Variants in PITX3 observed in about 807,000 individuals in gnomAD.
PITX3 encodes pituitary homeobox 3.
PITX3 carries 4 observed loss-of-function variants against 14.2 expected under a neutral mutation model. That is an observed-to-expected ratio of 0.28 (90% CI 0.14 to 0.65). PITX3 has a LOEUF of 0.65. PITX3 is among the 30% of genes least tolerant of loss of function. The pLI, the probability that PITX3 is intolerant of heterozygous loss-of-function variation, is 0.82. For missense variants in PITX3, 358 were observed against 426.8 expected (o/e 0.84, Z 1.42); for synonymous variants, 194 against 204.5 (o/e 0.95, Z 0.44).
intron 1 of PITX3, among the ~76,000 whole-genome samples, chr10:102,232,874 C>T (rs967623495): frequency 1.3e-5 from 2 of 152,164 alleles, no homozygotes; most frequent in Admixed American, 1.3e-4. Flanking sequence ...GTATTTTGAA[C>T]CAGACCTGAT....
intron 1 of PITX3, among the ~76,000 whole-genome samples, chr10:102,237,655 G>T (rs1211765137): frequency 6.6e-6 from 1 of 152,126 alleles, no homozygotes; most frequent in Admixed American, 6.6e-5. Flanking sequence ...TGAAACAGCT[G>T]CCACTAGTAT....
intron 1 of PITX3, among the ~76,000 whole-genome samples, chr10:102,240,514 G>A (rs1293253466): frequency 6.6e-6 from 1 of 152,240 alleles, no homozygotes; most frequent in Non-Finnish European, 1.5e-5. Context: ...CGACCCCATC[G>A]CACACGCAGC....
At position 102,231,973 on chromosome 10, in the gene PITX3, C is replaced by G. The variant is rs747531363; in HGVS notation, c.108G>C (p.Gln36His). ...AGGGGGCGCGCTTACCGCTGTGCTC[C>G]TGGCCCTTGCAGCCGTGCTCTGGGA... ...PQLPEHGCKG[Q>H]EHSDSEKASA... The change falls in exon 2 of 4, where the codon CAG becomes CAC. Residue 36 changes from glutamine (Q) to histidine (H), a missense_variant. Around this residue, in one of 3 missense-constraint regions of PITX3, gnomAD observed 72 missense variants for 79.9 expected, o/e 0.90. Coordinates refer to ENST00000370002, the MANE Select transcript of PITX3 (RefSeq NM_005029.4). The G allele has an allele frequency of 6.2e-7, 1 of 1,609,896 alleles. No homozygotes were observed. Among genetic ancestry groups the G allele is most frequent in the South Asian group, 1.1e-5 (1 of 91,038 alleles).
chr10:102,232,753 A>G (rs897317629), intron 1 of PITX3, among the ~76,000 whole-genome samples: 3 of 152,142 alleles, frequency 2.0e-5, no homozygotes, highest in Admixed American at 2.0e-4. Flanking sequence ...AAAACTTAAA[A>G]TCCTTCTCAC....
At chr10:102,231,884 G>A in intron 2 of PITX3, 79 bp downstream of exon 2, 1 of 1,562,274 alleles carries the variant, frequency 6.4e-7, no homozygotes, top group Non-Finnish European at 8.7e-7. Flanking sequence ...GGCTCCCACC[G>A]GGGCTGCCCA....
At chr10:102,232,114 G>T in intron 1 of PITX3, 22 bp from the exon 2 acceptor site, 2 of 1,370,268 alleles carry the variant, frequency 1.5e-6, no homozygotes, top group Non-Finnish European at 2.0e-6. Flanking sequence ...AGAAGACACA[G>T]ACCAGGGTAA....
At chr10:102,231,881 A>C (rs2070251225) in intron 2 of PITX3, 82 bp downstream of exon 2, 1 of 1,564,984 alleles carries the variant, frequency 6.4e-7, no homozygotes, top group Non-Finnish European at 8.7e-7. Context: ...GCTGGCTCCC[A>C]CCGGGGCTGC....
Position 102,230,437 on chromosome 10 carries a change from C to T in PITX3, c.*77G>A. ...TTCAGACCCTGGGGCGGGAGCAAGC[C>T]AGTCAAAATGACCCCAGTCCGCGGA... On this transcript the variant is annotated 3_prime_UTR_variant, in exon 4 of 4. Coordinates refer to ENST00000370002, the MANE Select transcript of PITX3 (RefSeq NM_005029.4). 3 of 1,533,150 alleles carry T rather than the reference C, an allele frequency of 2.0e-6. No individual in the cohort carries two copies. The South Asian group carries it at 3.7e-5, about 19-fold the overall frequency. The allele number at this position is 1,533,150 out of a possible 1,614,324, so 95.0% of individuals were successfully genotyped here.
chr10:102,230,373 T>C lies in PITX3; in HGVS notation c.*141A>G. On this transcript the variant is annotated 3_prime_UTR_variant, in exon 4 of 4. Coordinates refer to ENST00000370002, the MANE Select transcript of PITX3 (RefSeq NM_005029.4). Reference sequence around the variant, plus strand: ...CCTCAGGGCTGGGAGGGGAAGGCCCTCTCCTGAGCCGGTGCCCCCCAGCTG... The same window carrying C: ...CCTCAGGGCTGGGAGGGGAAGGCCCCCTCCTGAGCCGGTGCCCCCCAGCTG... The C allele has an allele frequency of 7.7e-7, 1 of 1,305,426 alleles. No homozygotes were observed. Among genetic ancestry groups the C allele is most frequent in the Non-Finnish European group, 1.0e-6 (1 of 961,980 alleles). The allele number at this position is 1,305,426 out of a possible 1,614,324, so 80.9% of individuals were successfully genotyped here.
intron 1 of PITX3, among the ~76,000 whole-genome samples, chr10:102,232,895 T>G (rs1489957340): frequency 6.6e-6 from 1 of 152,188 alleles, no homozygotes; most frequent in Non-Finnish European, 1.5e-5. Context: ...ATTTCTCCCT[T>G]AAGAATAATG....
At chr10:102,231,458 G>C (rs1244009144) in intron 3 of PITX3, 130 bp downstream of exon 3, 2 of 656,132 alleles carry the variant, frequency 3.0e-6, no homozygotes, top group Admixed American at 5.5e-5. Flanking sequence ...GTGGGGCTGC[G>C]GCCGGGAGCC....
At chr10:102,233,683 G>A (rs1212832093) in intron 1 of PITX3, among the ~76,000 whole-genome samples, 1 of 152,192 alleles carries the variant, frequency 6.6e-6, no homozygotes, top group African/African-American at 2.4e-5. Flanking sequence ...ACCACTGGGT[G>A]CTTGGGCCGG....
intron 1 of PITX3, among the ~76,000 whole-genome samples, chr10:102,232,462 C>T (rs2070272524): frequency 6.6e-6 from 1 of 152,200 alleles, no homozygotes; most frequent in Non-Finnish European, 1.5e-5. Flanking sequence ...GCGGGTGGAT[C>T]ACCTGAGGTC....
chr10:102,233,653 G>A (rs907028558), intron 1 of PITX3, among the ~76,000 whole-genome samples: 1 of 152,096 alleles, frequency 6.6e-6, no homozygotes, highest in Non-Finnish European at 1.5e-5. Context: ...AAGGTAACAA[G>A]ATCAAACACA....
Position 102,230,432 on chromosome 10 carries a change from C to G in PITX3, c.*82G>C. On this transcript the variant is annotated 3_prime_UTR_variant, in exon 4 of 4. Transcript: ENST00000370002. ...CCCCTTTCAGACCCTGGGGCGGGAG[C>G]AAGCCAGTCAAAATGACCCCAGTCC... 1.3e-6 allele frequency: 2 copies of G among 1,525,352 alleles called. No homozygotes were observed. The highest frequency in any genetic ancestry group is 1.8e-6 in the Non-Finnish European group (2 of 1,131,452). 94.5% of individuals were successfully genotyped at this position (1,525,352 alleles called of 1,614,324 possible).
At chr10:102,235,186 C>CCCA (rs1359778102) in intron 1 of PITX3, among the ~76,000 whole-genome samples, 4 of 144,626 alleles carry the variant, frequency 2.8e-5, no homozygotes, top group East Asian at 2.3e-4. Flanking sequence ...CCCACCCCCC[C>CCCA]ACCGCCTCCC....
At chr10:102,231,489 C>T in intron 3 of PITX3, 99 bp downstream of exon 3, 8 of 780,178 alleles carry the variant, frequency 1.0e-5, no homozygotes, top group Non-Finnish European at 1.6e-5. Flanking sequence ...GTCCGGGGTC[C>T]GAGGGAGGGG....
At chr10:102,232,746 A>T (rs555348544) in intron 1 of PITX3, among the ~76,000 whole-genome samples, 1 of 152,232 alleles carries the variant, frequency 6.6e-6, no homozygotes, top group African/African-American at 2.4e-5. Flanking sequence ...ATCTGCAAAA[A>T]CTTAAAATCC....
chr10:102,232,539 G>A (rs1201495411), intron 1 of PITX3, among the ~76,000 whole-genome samples: 1 of 152,108 alleles, frequency 6.6e-6, no homozygotes, highest in Non-Finnish European at 1.5e-5. Context: ...AAAAATTGCT[G>A]GGCGGGGTGG....
Sources: gnomAD v4.1 joint callset for allele counts (sites outside exome capture counted in the v4.1 genomes callset) on GRCh38, gnomAD v4.1.1 for gene constraint, gnomAD v4.1.1 regional missense constraint, MANE v1.5 for transcripts, NCBI Gene and HGNC (gene_info 2026-07-23, HGNC 2026-07-21) for gene names.